The following PARP11 variants were observed in gnomAD, a reference collection of about 807,000 sequenced individuals.
PARP11 encodes the protein poly(ADP-ribose) polymerase family member 11.
Under a neutral mutation model 42.9 loss-of-function variants are expected in PARP11, and 31 were observed. That is an observed-to-expected ratio of 0.72 (90% CI 0.54 to 0.98). PARP11 has a LOEUF of 0.98. PARP11 is among the 50% of genes least tolerant of loss of function. The pLI is 0.00. For missense variants in PARP11, 365 were observed against 413.1 expected (o/e 0.88, Z 1.01); for synonymous variants, 137 against 127.3 (o/e 1.08, Z -0.51).
intron 1 of PARP11, among the ~76,000 whole-genome samples, chr12:3,834,562 A>T (rs1947717663): frequency 6.7e-6 from 1 of 149,560 alleles, no homozygotes; most frequent in South Asian, 2.2e-4. Context: ...TGAACCCAGG[A>T]GGCAAAGGTT....
chr12:3,861,054 T>C lies in PARP11; in HGVS notation c.18+12158A>G, dbSNP rs559198693. On this transcript the variant is annotated intron_variant, in intron 1 of 7. Coordinates refer to ENST00000228820, the MANE Select transcript of PARP11 (RefSeq NM_020367.6). This position sits in a 1 kb window ranked among gnomAD's most constrained non-coding sequence, Gnocchi z 4.6. Reference sequence around the variant, plus strand: ...GGAGAATTTGCCTCAGGATGAATCATACCTTGGGCTCAACTGCATCTGATT... The same window carrying C: ...GGAGAATTTGCCTCAGGATGAATCACACCTTGGGCTCAACTGCATCTGATT... Among the ~76,000 whole-genome samples, 9 of 152,334 alleles carry C rather than the reference T, an allele frequency of 5.9e-5. No individual in the cohort carries two copies. In the East Asian group the frequency reaches 1.2e-3, roughly 20 times the overall value.
At chr12:3,842,602 C>A in intron 1 of PARP11, 1 of 925,162 alleles carries the variant, frequency 1.1e-6, no homozygotes, top group Non-Finnish European at 1.7e-6. Context: ...AAGTAAAAAC[C>A]CCAGTTGGAA....
At chr12:3,824,596 C>T in intron 4 of PARP11, 2 of 976,106 alleles carry the variant, frequency 2.0e-6, no homozygotes, top group Non-Finnish European at 2.4e-6. Flanking sequence ...CAGTCCTCTC[C>T]TTTTATTATT....
chr12:3,867,864 A>G (rs911940795), intron 1 of PARP11, among the ~76,000 whole-genome samples: 6 of 152,240 alleles, frequency 3.9e-5, no homozygotes, highest in Non-Finnish European at 7.3e-5. Context: ...AGGCTTCTCA[A>G]TAACGCAACT....
chr12:3,872,451 T>C (rs1948504210), intron 1 of PARP11: 1 of 941,344 alleles, frequency 1.1e-6, no homozygotes, highest in Non-Finnish European at 1.3e-6. Context: ...CGTTGCACTT[T>C]AAATAAATAA....
chr12:3,816,043 G>C (rs1454196121), intron 6 of PARP11, among the ~76,000 whole-genome samples: 1 of 152,138 alleles, frequency 6.6e-6, no homozygotes, highest in Non-Finnish European at 1.5e-5. Flanking sequence ...AGACCATTAA[G>C]CATGACATCA....
In PARP11 at chr12:3,826,317, C is replaced by T. The variant is rs919851716; in HGVS notation, c.269-84G>A. On this transcript the variant is annotated intron_variant, in intron 3 of 7. Coordinates refer to ENST00000228820, the MANE Select transcript of PARP11 (RefSeq NM_020367.6). ...CATGAAGATTAATAGCCACGCTACG[C>T]GATGATCAGGAATCATGGAGCTTCG... The T allele has an allele frequency of 2.1e-5, 20 of 946,058 alleles. 1 individual carries two copies. The highest frequency in any genetic ancestry group is 1.3e-4 in the African/African-American group (8 of 59,350). 58.6% of individuals were successfully genotyped at this position (946,058 alleles called of 1,614,324 possible).
intron 1 of PARP11, among the ~76,000 whole-genome samples, chr12:3,871,215 A>G (rs1157356689): frequency 6.6e-6 from 1 of 152,244 alleles, no homozygotes; most frequent in Non-Finnish European, 1.5e-5. Flanking sequence ...AATTATTGCA[A>G]ATATGGAAAT....
At chr12:3,828,416 G>T (rs895735930) in intron 3 of PARP11, among the ~76,000 whole-genome samples, 1 of 151,880 alleles carries the variant, frequency 6.6e-6, no homozygotes, top group Non-Finnish European at 1.5e-5. Context: ...GGGTGTGGGG[G>T]CGGGTGCCTG....
intron 1 of PARP11, among the ~76,000 whole-genome samples, chr12:3,831,250 T>C (rs957700113): frequency 2.0e-5 from 3 of 152,116 alleles, no homozygotes; most frequent in African/African-American, 7.2e-5. Context: ...TTCAGATCTC[T>C]CTCTCTCTCT....
Position 3,873,249 on chromosome 12 carries a change from G to A in PARP11, c.-20C>T, listed in dbSNP as rs1948528200. 1.3e-6 allele frequency: 2 copies of A among 1,550,010 alleles called. No homozygotes were observed. Among genetic ancestry groups the A allele is most frequent in the Non-Finnish European group, 1.7e-6 (2 of 1,146,290 alleles). On this transcript the variant is annotated 5_prime_UTR_variant, in exon 1 of 8. Transcript: ENST00000228820. ...CCACATAACGGTGACAAAATCGAGC[G>A]GAGAGAGCCTGTGGGAAGGGGCTAG...
rs1415649325 is a variant in PARP11 at position 3,810,266 on chromosome 12, G to C, written c.*1857C>G. On this transcript the variant is annotated 3_prime_UTR_variant, in exon 8 of 8. Transcript: ENST00000228820. ...GAGAAAAGCTTTCTGAAAAAGGCTT[G>C]GTATACGTGCTGTCTTTTAAAGGCA... is the stretch of plus-strand genomic sequence containing the variant. The C allele has an allele frequency of 6.6e-6, 1 of 152,120 alleles. No homozygotes were observed. The highest frequency in any genetic ancestry group is 1.5e-5 in the Non-Finnish European group (1 of 68,024). The allele number at this position is 152,120 out of a possible 1,614,324, so 9.4% of individuals were successfully genotyped here.
At chr12:3,866,880 G>A (rs2138131907) in intron 1 of PARP11, among the ~76,000 whole-genome samples, 1 of 152,172 alleles carries the variant, frequency 6.6e-6, no homozygotes, top group Non-Finnish European at 1.5e-5. Context: ...ATATTATCAT[G>A]CAACACAATA....
intron 3 of PARP11, 69 bp downstream of exon 3, chr12:3,828,841 C>T (rs1327293413): frequency 7.2e-7 from 1 of 1,380,592 alleles, no homozygotes; most frequent in Non-Finnish European, 1.0e-6. Context: ...CTAATCCTGA[C>T]CTTCAGAGCT....
chr12:3,842,457 A>C (rs1343621517), intron 1 of PARP11: 2 of 1,608,710 alleles, frequency 1.2e-6, no homozygotes, highest in African/African-American at 1.3e-5. Flanking sequence ...GAGGGCGACC[A>C]TTTAGGGGAG....
intron 1 of PARP11, among the ~76,000 whole-genome samples, chr12:3,866,959 T>C (rs566596433): frequency 2.2e-4 from 34 of 152,366 alleles, no homozygotes; most frequent in Admixed American, 1.8e-3. Context: ...ACAAACTACC[T>C]GTGGAGAAAA....
In PARP11 at chr12:3,812,159, G is replaced by A. The variant is rs754923500; in HGVS notation, c.981C>T (p.Asn327=). 2 of 1,613,688 alleles carry A rather than the reference G, an allele frequency of 1.2e-6. No homozygotes were observed. Among genetic ancestry groups the A allele is most frequent in the Non-Finnish European group, 1.7e-6 (2 of 1,179,932 alleles). ...NPKIFVVFDA[N]QIYPEYLIDF... is the part of the protein sequence containing the mutation. ...CTATCAAGTACTCAGGATAGATTTG[G>A]TTGGCATCAAAAACCACAAAGATCT... Residue 327 remains asparagine (N), a synonymous_variant, in exon 8 of 8, where the codon AAC becomes AAT. Coordinates refer to ENST00000228820, the MANE Select transcript of PARP11 (RefSeq NM_020367.6).
chr12:3,815,589 G>A (rs1403045029), intron 6 of PARP11, among the ~76,000 whole-genome samples: 1 of 152,134 alleles, frequency 6.6e-6, no homozygotes, highest in African/African-American at 2.4e-5. Context: ...GTTTATAAAT[G>A]TTGGCATGAA....
intron 1 of PARP11, chr12:3,872,723 G>C: frequency 4.1e-6 from 4 of 985,272 alleles, no homozygotes; most frequent in Non-Finnish European, 4.8e-6. Flanking sequence ...GGGACTGGCA[G>C]GTAAACCTGA....
Sources: gnomAD v4.1 joint callset for allele counts (sites outside exome capture counted in the v4.1 genomes callset) on GRCh38, gnomAD v4.1.1 for gene constraint, Gnocchi (gnomAD v3.1) non-coding constraint, MANE v1.5 for transcripts, NCBI Gene and HGNC (gene_info 2026-07-23, HGNC 2026-07-21) for gene names.